ADGB: variants seen among roughly 807,000 people sequenced by gnomAD.
ADGB encodes the protein calpain-7-like protein.
In ADGB, 172 loss-of-function variants were observed where a neutral mutation model predicts 210.5. The ratio of observed to expected loss-of-function variants is 0.82; its 90% CI spans 0.72 to 0.93. The LOEUF (loss-of-function observed/expected upper bound fraction) is 0.93. Ranked by LOEUF, ADGB falls within the 40% of genes least tolerant of loss-of-function variation. ADGB has a pLI of 0.00. For missense variants in ADGB, 2,025 were observed against 1,964.8 expected, an observed-to-expected ratio of 1.03 and a Z score of -0.58; for synonymous variants, 658 against 662.7, an observed-to-expected ratio of 0.99 and a Z score of 0.11.
intron 1 of ADGB, among the ~76,000 whole-genome samples, chr6:146,602,931 G>A (rs1222222389): frequency 1.3e-5 from 2 of 152,112 alleles, no homozygotes; most frequent in Non-Finnish European, 2.9e-5. Context: ...CTGGTCCCTG[G>A]TGCCAAAAAG....
At chr6:146,765,144 G>A (rs1448127972) in intron 28 of ADGB, among the ~76,000 whole-genome samples, 2 of 151,882 alleles carry the variant, frequency 1.3e-5, no homozygotes, top group Non-Finnish European at 1.5e-5. Flanking sequence ...AAAAATAAAA[G>A]GTAGAATAAA....
At chr6:146,752,457 AAACT>A in intron 26 of ADGB, 69 bp from the exon 27 acceptor site, 1 of 1,374,870 alleles carries the variant, frequency 7.3e-7, no homozygotes, top group Non-Finnish European at 9.8e-7. Flanking sequence ...ACATATATCC[AAACT>A]ATCTCACTTA....
At chr6:146,614,430 T>C (rs1453359535) in intron 1 of ADGB, among the ~76,000 whole-genome samples, 1 of 152,194 alleles carries the variant, frequency 6.6e-6, no homozygotes, top group Non-Finnish European at 1.5e-5. Flanking sequence ...TGTCCTTTCC[T>C]GTTATCAGTC....
intron 30 of ADGB, among the ~76,000 whole-genome samples, chr6:146,782,817 T>C (rs1777821694): frequency 6.6e-6 from 1 of 152,052 alleles, no homozygotes; most frequent in Non-Finnish European, 1.5e-5. Flanking sequence ...AGGAAAAGGA[T>C]GTGGATGGCA....
At chr6:146,685,025 A>G (rs1422013652) in intron 9 of ADGB, among the ~76,000 whole-genome samples, 1 of 152,098 alleles carries the variant, frequency 6.6e-6, no homozygotes, top group Non-Finnish European at 1.5e-5. Context: ...AGTATCAAAT[A>G]TAGTTAAATG....
intron 29 of ADGB, among the ~76,000 whole-genome samples, chr6:146,771,683 T>TA (rs1777655451): frequency 6.6e-6 from 1 of 152,190 alleles, no homozygotes; most frequent in Non-Finnish European, 1.5e-5. Context: ...AAGAAGTAGA[T>TA]AGAGTATATG....
chr6:146,745,843 T>C, intron 25 of ADGB, 79 bp from the exon 26 acceptor site: 2 of 1,088,438 alleles, frequency 1.8e-6, no homozygotes, highest in Non-Finnish European at 2.5e-6. Flanking sequence ...TAATAAGACA[T>C]TTAGCACTAT....
intron 22 of ADGB, among the ~76,000 whole-genome samples, chr6:146,735,566 T>C (rs897049218): frequency 6.6e-6 from 1 of 152,230 alleles, no homozygotes; most frequent in Non-Finnish European, 1.5e-5. Context: ...CTCAATGCTG[T>C]TACTTTGGGA....
intron 20 of ADGB, among the ~76,000 whole-genome samples, chr6:146,731,810 C>A (rs1053029513): frequency 1.3e-5 from 2 of 151,808 alleles, no homozygotes; most frequent in Non-Finnish European, 2.9e-5. Context: ...TGGAATTATC[C>A]CTTGTTTTCT....
At chr6:146,666,038 C>A (rs967101802) in intron 6 of ADGB, among the ~76,000 whole-genome samples, 1 of 151,958 alleles carries the variant, frequency 6.6e-6, no homozygotes, top group Non-Finnish European at 1.5e-5. Context: ...CCATAAACAA[C>A]AAAACAGTGC....
intron 8 of ADGB, among the ~76,000 whole-genome samples, chr6:146,672,727 C>CTTTTTTTTTTTTTTTTTTTTTTT (rs58547170): frequency 7.0e-6 from 1 of 142,820 alleles, no homozygotes. Context: ...GTTTTTCTTT[C>CTTTTTTTTTTTTTTTTTTTTTTT]TTTTTTTTTT....
At chr6:146,646,932 T>C (rs1442588744) in intron 3 of ADGB, among the ~76,000 whole-genome samples, 2 of 151,148 alleles carry the variant, frequency 1.3e-5, no homozygotes, top group Non-Finnish European at 3.0e-5. Flanking sequence ...CCACTAAAAA[T>C]ACAAAAATTA....
At chr6:146,681,443 T>A (rs915288444) in intron 9 of ADGB, among the ~76,000 whole-genome samples, 1 of 152,132 alleles carries the variant, frequency 6.6e-6, no homozygotes, top group African/African-American at 2.4e-5. Context: ...TCTTTATAAA[T>A]TATCCAGTCT....
intron 35 of ADGB, among the ~76,000 whole-genome samples, chr6:146,804,277 C>G (rs1778178205): frequency 6.6e-6 from 1 of 152,086 alleles, no homozygotes; most frequent in East Asian, 1.9e-4. Context: ...GCACACACTC[C>G]TACACATCCC....
chr6:146,612,866 A>G (rs966985297), intron 1 of ADGB, among the ~76,000 whole-genome samples: 3 of 152,172 alleles, frequency 2.0e-5, no homozygotes, highest in Non-Finnish European at 4.4e-5. Flanking sequence ...ACTAAATGCT[A>G]CCATACTATT....
At chr6:146,708,238 A>G (rs1366833864) in intron 13 of ADGB, among the ~76,000 whole-genome samples, 1 of 152,116 alleles carries the variant, frequency 6.6e-6, no homozygotes, top group East Asian at 1.9e-4. Context: ...CATACTAAAG[A>G]TGTAAGTGAT....
chr6:146,704,554 GAC>G (rs1190468623), intron 13 of ADGB, among the ~76,000 whole-genome samples: 2 of 152,014 alleles, frequency 1.3e-5, no homozygotes, highest in African/African-American at 4.8e-5. Context: ...TTACTGAAGA[GAC>G]TCTCCTTTCT....
At chr6:146,771,146 CTTG>C (rs1562296944) in intron 29 of ADGB, among the ~76,000 whole-genome samples, 1 of 152,032 alleles carries the variant, frequency 6.6e-6, no homozygotes, top group Non-Finnish European at 1.5e-5. Flanking sequence ...TGTTGATTCC[CTTG>C]TTGTGGTTGC....
intron 5 of ADGB, among the ~76,000 whole-genome samples, chr6:146,658,389 G>GA (rs1775812713): frequency 6.6e-6 from 1 of 152,056 alleles, no homozygotes; most frequent in African/African-American, 2.4e-5. Flanking sequence ...TTAAAAAGGT[G>GA]AAAAACCTAG....
Sources: allele counts gnomAD v4.1 joint callset (sites outside exome capture counted in the v4.1 genomes callset), GRCh38; gene constraint gnomAD v4.1.1; transcripts MANE v1.5; gene names NCBI Gene and HGNC (gene_info 2026-07-23, HGNC 2026-07-21).